LRRK1: variants seen among roughly 807,000 people sequenced by gnomAD.
The protein encoded by LRRK1 is leucine-rich repeat serine/threonine-protein kinase 1.
LRRK1 carries 113 observed loss-of-function variants against 209.1 expected under a neutral mutation model. The observed-to-expected ratio is 0.54, with a 90% CI of 0.46 to 0.63. LRRK1 has a LOEUF of 0.63. Ranked by LOEUF, LRRK1 falls within the 30% of genes least tolerant of loss-of-function variation. The pLI, the probability that LRRK1 is intolerant of heterozygous loss-of-function variation, is 0.00. For missense variants in LRRK1, 2,284 were observed against 2,632.2 expected, an observed-to-expected ratio of 0.87 and a Z score of 2.89; for synonymous variants, 1,144 against 1,099.7, an observed-to-expected ratio of 1.04 and a Z score of -0.80.
chr15:101,021,605 A>G (rs1222617754), intron 13 of LRRK1: 3 of 535,598 alleles, frequency 5.6e-6, no homozygotes, highest in South Asian at 2.6e-5. Context: ...GAGACAGGAA[A>G]GTTGGGGGAG....
At chr15:101,055,284 C>T (rs567564265) in intron 27 of LRRK1, 61 bp downstream of exon 27, 52 of 1,463,634 alleles carry the variant, frequency 3.6e-5, no homozygotes, top group African/African-American at 4.3e-5. Flanking sequence ...TCAGGCTAGC[C>T]GGGCAGTCCT....
chr15:100,924,751 T>C (rs1281079670), intron 2 of LRRK1, 22 bp downstream of exon 2: 1 of 1,585,042 alleles, frequency 6.3e-7, no homozygotes, highest in Middle Eastern at 1.7e-4. Flanking sequence ...GCTGTGCTTA[T>C]GCCTGCCTGG....
At chr15:101,012,232 A>G in intron 10 of LRRK1, 87 bp downstream of exon 10, 1 of 1,160,442 alleles carries the variant, frequency 8.6e-7, no homozygotes, top group Non-Finnish European at 1.2e-6. Context: ...GCTTTTCCTG[A>G]GCTTCTGAGA....
intron 6 of LRRK1, among the ~76,000 whole-genome samples, chr15:101,007,454 G>A (rs1196842575): frequency 6.6e-6 from 1 of 152,192 alleles, no homozygotes; most frequent in Non-Finnish European, 1.5e-5. Flanking sequence ...ACCCCATGCC[G>A]GAAAACCGCT....
chr15:100,953,074 A>G (rs967824394), intron 2 of LRRK1, among the ~76,000 whole-genome samples: 9 of 152,238 alleles, frequency 5.9e-5, no homozygotes, highest in Non-Finnish European at 1.0e-4. Context: ...AATGATGAGC[A>G]TAATCAAGTT....
chr15:100,941,096 CAT>C (rs966840901), intron 2 of LRRK1, among the ~76,000 whole-genome samples: 2 of 152,114 alleles, frequency 1.3e-5, no homozygotes, highest in Non-Finnish European at 1.5e-5. Flanking sequence ...AAAGAGGAAA[CAT>C]AAATATTTTC....
rs375414450 is a variant in LRRK1 at position 101,066,710 on chromosome 15, G to C, written c.5839G>C (p.Val1947Leu). The change falls in exon 33 of 34, where the codon GTC (valine) becomes CTC (leucine). Residue 1947 changes from valine to leucine, a missense_variant. Physicochemically the swap from Val to Leu is conservative, Grantham distance 32. This residue lies in a region of LRRK1 where 643 missense variants were observed against 695.9 expected (regional missense o/e 0.92). Transcript: ENST00000388948. ...SGAQRGRVIA[V>L]LKARELTPHG... ...CGCCCAGCGGGGCCGAGTCATTGCC[G>C]TCTTAAAAGCCCGAGAGCTGACTCC... 2.5e-6 allele frequency: 4 copies of C among 1,614,198 alleles called. No individual in the cohort carries two copies. Among genetic ancestry groups the C allele is most frequent in the Non-Finnish European group, 3.4e-6 (4 of 1,180,012 alleles).
chr15:101,037,685 A>C (rs1286795853), intron 20 of LRRK1, among the ~76,000 whole-genome samples: 1 of 152,118 alleles, frequency 6.6e-6, no homozygotes, highest in Non-Finnish European at 1.5e-5. Context: ...GTGGTAGCCT[A>C]TGCCTCACTC....
chr15:101,043,254 C>T (rs965976967), intron 20 of LRRK1, among the ~76,000 whole-genome samples: 1 of 152,238 alleles, frequency 6.6e-6, no homozygotes, highest in Non-Finnish European at 1.5e-5. Flanking sequence ...CACCTGGGAA[C>T]CAGCCACTGG....
chr15:101,056,871 T>G lies in LRRK1; in HGVS notation c.4348T>G (p.Tyr1450Asp). Residue 1450 changes from tyrosine (Y) to aspartate (D), a missense_variant, in exon 28 of 34, where the codon TAT (tyrosine) becomes GAT (aspartate). Transcript: ENST00000388948. ...CTGTGCCCAGGTAGATATGTTCTCC[T>G]ATGGAATGGTGCTCTACGAGTTGCT... ...VYDEKVDMFS[Y>D]GMVLYELLSG... is the part of the protein sequence containing the mutation. 2 of 1,608,772 alleles carry G rather than the reference T, an allele frequency of 1.2e-6. No individual in the cohort carries two copies. Among genetic ancestry groups the G allele is most frequent in the Non-Finnish European group, 1.7e-6 (2 of 1,177,596 alleles).
rs1319866402 is a variant in LRRK1 at position 101,021,173 on chromosome 15, A to G, written c.1730A>G (p.Tyr577Cys). 3 of 1,614,028 alleles carry G rather than the reference A, an allele frequency of 1.9e-6. No individual in the cohort carries two copies. The highest frequency in any genetic ancestry group is 1.6e-4 in the Middle Eastern group (1 of 6,062). The change falls in exon 13 of 34, where the codon TAC becomes TGC. Residue 577 changes from tyrosine to cysteine, a missense_variant. Tyr to Cys is a radical substitution (Grantham distance 194). Around this residue, in one of 6 missense-constraint regions of LRRK1, gnomAD observed 494 missense variants for 522.1 expected, o/e 0.95. Transcript: ENST00000388948. ...VCLLKSLSEL[Y>C]LGNNPGLREL... ...CTACTGAAGAGCTTATCAGAGCTCT[A>G]CTTGGGAAAGTAAGTACACATCTGG...
At chr15:100,971,542 G>T (rs563492290) in intron 2 of LRRK1, among the ~76,000 whole-genome samples, 1 of 152,182 alleles carries the variant, frequency 6.6e-6, no homozygotes, top group Admixed American at 6.5e-5. Context: ...AAATAAAAAT[G>T]TAGAGGTGAA....
At chr15:100,952,643 A>C (rs1051199830) in intron 2 of LRRK1, among the ~76,000 whole-genome samples, 3 of 152,030 alleles carry the variant, frequency 2.0e-5, no homozygotes, top group Non-Finnish European at 4.4e-5. Flanking sequence ...GCCCTGGCCC[A>C]CTCTTTCCTC....
chr15:101,062,474 A>C, intron 30 of LRRK1, 100 bp from the exon 31 acceptor site: 1 of 819,204 alleles, frequency 1.2e-6, no homozygotes, highest in Non-Finnish European at 2.2e-6. Context: ...CAAGACCCAT[A>C]GGGGATCCCC....
At position 101,006,123 on chromosome 15, in the gene LRRK1, G is replaced by C. The variant is rs28597861; in HGVS notation, c.763-2714G>C. 8.8e-3 allele frequency among the ~76,000 whole-genome samples: 1,340 copies of C among 152,282 alleles called. 21 individuals carry two copies. The highest frequency in any genetic ancestry group is 0.03 in the African/African-American group (1,239 of 41,542). On this transcript the variant is annotated intron_variant, in intron 6 of 33. Coordinates refer to ENST00000388948, the MANE Select transcript of LRRK1 (RefSeq NM_024652.6). ...GACTGATAGACACCACCTTAACCAT[G>C]AGACCAAACAGGGCACCACCTGTAG...
At chr15:101,059,466 G>A (rs1555480364) in intron 29 of LRRK1, among the ~76,000 whole-genome samples, 5 of 146,604 alleles carry the variant, frequency 3.4e-5, no homozygotes, top group Non-Finnish European at 7.8e-5. Context: ...GTACTCTAAG[G>A]ACAAAACAAA....
intron 2 of LRRK1, among the ~76,000 whole-genome samples, chr15:100,937,025 G>C (rs928724936): frequency 1.3e-5 from 2 of 152,108 alleles, no homozygotes; most frequent in African/African-American, 4.8e-5. Context: ...ATACAGGCCT[G>C]GTGCTTTTTA....
At chr15:101,042,986 C>T (rs2034849117) in intron 20 of LRRK1, among the ~76,000 whole-genome samples, 2 of 152,224 alleles carry the variant, frequency 1.3e-5, no homozygotes, top group Non-Finnish European at 2.9e-5. Context: ...TGATGCTCTG[C>T]CCTAAACCAG....
intron 29 of LRRK1, among the ~76,000 whole-genome samples, chr15:101,059,603 A>C (rs1403877214): frequency 6.8e-6 from 1 of 148,012 alleles, no homozygotes; most frequent in Middle Eastern, 3.2e-3. Flanking sequence ...CTGTTGCTGG[A>C]AACATGAGCT....
Sources: gnomAD v4.1 joint callset for allele counts (sites outside exome capture counted in the v4.1 genomes callset) on GRCh38, gnomAD v4.1.1 for gene constraint, gnomAD v4.1.1 regional missense constraint, MANE v1.5 for transcripts, NCBI Gene and HGNC (gene_info 2026-07-23, HGNC 2026-07-21) for gene names.